ELOVL6: variants seen among roughly 807,000 people sequenced by gnomAD.
ELOVL6 encodes the protein ELOVL fatty acid elongase 6.
In ELOVL6, 8 loss-of-function variants were observed where a neutral mutation model predicts 31.7. That is an observed-to-expected ratio of 0.25 (90% CI 0.15 to 0.45). ELOVL6 has a LOEUF of 0.45. Ranked by LOEUF, ELOVL6 falls within the 20% of genes least tolerant of loss-of-function variation. The pLI, the probability that ELOVL6 is intolerant of heterozygous loss-of-function variation, is 1.00. For synonymous variants in ELOVL6, 101 were observed against 117.7 expected, an observed-to-expected ratio of 0.86 and a Z score of 0.92; for missense variants, 126 against 326.4, an observed-to-expected ratio of 0.39 and a Z score of 4.73.
At chr4:110,071,674 C>G (rs1755488486) in intron 2 of ELOVL6, among the ~76,000 whole-genome samples, 1 of 152,182 alleles carries the variant, frequency 6.6e-6, no homozygotes, top group Non-Finnish European at 1.5e-5. Flanking sequence ...CCTCCCGGAA[C>G]TTGGCCAAGA....
chr4:110,171,733 G>A lies in ELOVL6; in HGVS notation c.89+26514C>T, dbSNP rs80138239. On this transcript the variant is annotated intron_variant, in intron 1 of 3. Coordinates refer to ENST00000302274, the MANE Select transcript of ELOVL6 (RefSeq NM_024090.3). ...TTGAGACAGGGTCTCTCTCTGTGTT[G>A]TCCAGGCTGGAGTACAGTAGCACTA... Among the ~76,000 whole-genome samples, 1,011 of 104,214 alleles carry A rather than the reference G, an allele frequency of 9.7e-3. 22 individuals are homozygous for A. Among genetic ancestry groups the A allele is most frequent in the African/African-American group, 0.035 (933 of 26,892 alleles). 68.4% of individuals were successfully genotyped at this position (104,214 alleles called of 152,430 possible).
intron 1 of ELOVL6, among the ~76,000 whole-genome samples, chr4:110,134,800 A>C (rs1757769433): frequency 6.6e-6 from 1 of 152,124 alleles, no homozygotes; most frequent in African/African-American, 2.4e-5. Context: ...TCTCTACAAA[A>C]AATTTTAAAA....
At chr4:110,092,138 T>A (rs1756445155) in intron 2 of ELOVL6, among the ~76,000 whole-genome samples, 1 of 152,318 alleles carries the variant, frequency 6.6e-6, no homozygotes, top group Non-Finnish European at 1.5e-5. Flanking sequence ...CATTTACTAG[T>A]AGCTCTGGCT....
At chr4:110,159,298 G>T (rs572159689) in intron 1 of ELOVL6, among the ~76,000 whole-genome samples, 2 of 152,266 alleles carry the variant, frequency 1.3e-5, no homozygotes, top group East Asian at 3.9e-4. Context: ...TCTGTCATGG[G>T]ATTTATAGTA....
At chr4:110,087,202 G>A (rs1560817280) in intron 2 of ELOVL6, among the ~76,000 whole-genome samples, 2 of 151,936 alleles carry the variant, frequency 1.3e-5, no homozygotes, top group African/African-American at 4.8e-5. Flanking sequence ...CTCAGACACC[G>A]CCCCCACAAG....
intron 2 of ELOVL6, among the ~76,000 whole-genome samples, chr4:110,091,278 C>A (rs1756421461): frequency 1.3e-5 from 2 of 152,154 alleles, no homozygotes; most frequent in South Asian, 4.2e-4. Flanking sequence ...TGGGTTTGGT[C>A]TCAGTAAACA....
intron 1 of ELOVL6, among the ~76,000 whole-genome samples, chr4:110,178,301 A>C (rs1401011162): frequency 1.3e-5 from 2 of 152,188 alleles, no homozygotes; most frequent in Non-Finnish European, 2.9e-5. Context: ...TAATTCCAGC[A>C]CTTGGGGAGG....
At chr4:110,174,806 T>A (rs1281835505) in intron 1 of ELOVL6, among the ~76,000 whole-genome samples, 1 of 152,164 alleles carries the variant, frequency 6.6e-6, no homozygotes, top group African/African-American at 2.4e-5. Context: ...AAAGTTGGCA[T>A]ATTTAGATTT....
chr4:110,143,792 A>C (rs1047298119), intron 1 of ELOVL6, among the ~76,000 whole-genome samples: 14 of 152,198 alleles, frequency 9.2e-5, no homozygotes, highest in Non-Finnish European at 1.8e-4. Context: ...GCAGTGGCTC[A>C]CGCCTGTAAT....
At chr4:110,168,208 A>G (rs1758838715) in intron 1 of ELOVL6, among the ~76,000 whole-genome samples, 1 of 152,166 alleles carries the variant, frequency 6.6e-6, no homozygotes, top group African/African-American at 2.4e-5. Flanking sequence ...TATGGCTATA[A>G]ATCATTAGAG....
intron 1 of ELOVL6, among the ~76,000 whole-genome samples, chr4:110,162,653 T>C (rs967583145): frequency 1.1e-4 from 16 of 142,642 alleles, no homozygotes; most frequent in African/African-American, 3.5e-4. Context: ...CCTGAATATA[T>C]AGATATTTTG....
chr4:110,145,044 G>C (rs1232690309), intron 1 of ELOVL6, among the ~76,000 whole-genome samples: 1 of 151,952 alleles, frequency 6.6e-6, no homozygotes, highest in African/African-American at 2.4e-5. Flanking sequence ...TACAATATAA[G>C]AGCACACAGA....
At chr4:110,157,408 T>C (rs180880473) in intron 1 of ELOVL6, among the ~76,000 whole-genome samples, 1 of 152,316 alleles carries the variant, frequency 6.6e-6, no homozygotes, top group Non-Finnish European at 1.5e-5. Flanking sequence ...CGGTGACTCA[T>C]GCCTGTAATC....
At chr4:110,089,149 C>T (rs1253868439) in intron 2 of ELOVL6, among the ~76,000 whole-genome samples, 1 of 151,696 alleles carries the variant, frequency 6.6e-6, no homozygotes, top group Non-Finnish European at 1.5e-5. Flanking sequence ...GATGAGCATA[C>T]ATTTATTTTA....
chr4:110,101,697 A>G (rs1756747078), intron 2 of ELOVL6, among the ~76,000 whole-genome samples: 1 of 152,084 alleles, frequency 6.6e-6, no homozygotes, highest in African/African-American at 2.4e-5. Flanking sequence ...TTTTTGAGAC[A>G]GGGTCTCACT....
At chr4:110,154,983 G>T (rs1433159211) in intron 1 of ELOVL6, among the ~76,000 whole-genome samples, 1 of 152,066 alleles carries the variant, frequency 6.6e-6, no homozygotes, top group South Asian at 2.1e-4. Context: ...CATTATTTGA[G>T]AATTAAATGA....
chr4:110,122,566 T>C (rs955394653), intron 1 of ELOVL6, among the ~76,000 whole-genome samples: 1 of 152,254 alleles, frequency 6.6e-6, no homozygotes, highest in African/African-American at 2.4e-5. Flanking sequence ...TTTGTAGAGA[T>C]GAAGCTTCAC....
intron 1 of ELOVL6, among the ~76,000 whole-genome samples, chr4:110,167,330 TA>T (rs1048576766): frequency 6.4e-4 from 95 of 149,514 alleles, no homozygotes; most frequent in African/African-American, 2.3e-3. Flanking sequence ...ATACTAACTG[TA>T]AATATGTCTC....
At chr4:110,052,843 C>T (rs930220421) in intron 3 of ELOVL6, among the ~76,000 whole-genome samples, 1 of 152,228 alleles carries the variant, frequency 6.6e-6, no homozygotes, top group Admixed American at 6.5e-5. Context: ...TCCTTCCTAT[C>T]TCTATGGTTA....
Sources: gnomAD v4.1 joint callset for allele counts (sites outside exome capture counted in the v4.1 genomes callset) on GRCh38, gnomAD v4.1.1 for gene constraint, MANE v1.5 for transcripts, NCBI Gene and HGNC (gene_info 2026-07-23, HGNC 2026-07-21) for gene names.